TMTC1: variants seen among roughly 807,000 people sequenced by gnomAD.
TMTC1 encodes protein O-mannosyl-transferase TMTC1.
A neutral mutation model predicts 104.8 loss-of-function variants in TMTC1; 73 were observed. The observed-to-expected ratio is 0.70, with a 90% confidence interval of 0.58 to 0.85. The LOEUF (loss-of-function observed/expected upper bound fraction) is 0.85, where lower values mean the gene tolerates loss of function less well. TMTC1 is among the 40% of genes least tolerant of loss of function. The pLI is 0.00. For missense variants in TMTC1, 1,035 were observed against 1,096.1 expected (o/e 0.94, Z 0.79); for synonymous variants, 434 against 428.7 (o/e 1.01, Z -0.15).
At chr12:29,738,112 G>A (rs985536462) in intron 5 of TMTC1, among the ~76,000 whole-genome samples, 11 of 152,134 alleles carry the variant, frequency 7.2e-5, no homozygotes, top group Admixed American at 2.6e-4. Context: ...CTTCACATAT[G>A]TCACATCATT....
intron 5 of TMTC1, among the ~76,000 whole-genome samples, chr12:29,671,444 T>C (rs1410462930): frequency 2.0e-5 from 3 of 152,212 alleles, no homozygotes; most frequent in African/African-American, 7.2e-5. Flanking sequence ...AGTTAAGTCT[T>C]AGAAGCAATA....
intron 6 of TMTC1, among the ~76,000 whole-genome samples, chr12:29,629,347 T>A (rs954339431): frequency 6.6e-6 from 1 of 151,776 alleles, no homozygotes; most frequent in East Asian, 1.9e-4. Context: ...AAGCTACCTA[T>A]GACCTGGAAG....
At chr12:29,597,895 T>A (rs1488844301) in intron 7 of TMTC1, among the ~76,000 whole-genome samples, 1 of 152,166 alleles carries the variant, frequency 6.6e-6, no homozygotes, top group Non-Finnish European at 1.5e-5. Context: ...ACCAGAAATA[T>A]AGGAAAGATA....
At chr12:29,712,084 G>T (rs1051236061) in intron 5 of TMTC1, among the ~76,000 whole-genome samples, 9 of 149,224 alleles carry the variant, frequency 6.0e-5, no homozygotes, top group African/African-American at 2.2e-4. Flanking sequence ...TTCATCAGGG[G>T]ACACTGCTCT....
intron 5 of TMTC1, chr12:29,659,880 C>T: frequency 1.3e-6 from 2 of 1,531,844 alleles, no homozygotes; most frequent in Non-Finnish European, 8.7e-7. Context: ...TTATACTAAC[C>T]TCGTAAGAAT....
intron 5 of TMTC1, among the ~76,000 whole-genome samples, chr12:29,706,570 T>C (rs927425788): frequency 6.6e-6 from 1 of 152,118 alleles, no homozygotes. Flanking sequence ...TTTGCTGAAA[T>C]GTGGGAATGT....
chr12:29,755,012 G>A (rs1027321800), intron 4 of TMTC1, among the ~76,000 whole-genome samples: 1 of 152,174 alleles, frequency 6.6e-6, no homozygotes, highest in South Asian at 2.1e-4. Flanking sequence ...ACTGAAAAAT[G>A]GGGCCTGCTT....
intron 8 of TMTC1, 84 bp from the exon 9 acceptor site, chr12:29,572,302 A>T: frequency 8.4e-7 from 1 of 1,185,398 alleles, no homozygotes; most frequent in Non-Finnish European, 1.2e-6. Flanking sequence ...AGTTTCATGA[A>T]CCTGTATTTG....
chr12:29,579,151 G>T (rs564498186), intron 8 of TMTC1, among the ~76,000 whole-genome samples: 4 of 152,232 alleles, frequency 2.6e-5, no homozygotes, highest in African/African-American at 9.6e-5. Context: ...TCCTGAAGTT[G>T]ATCAACATTT....
chr12:29,644,149 G>GTGTGTA (rs1174156187), intron 5 of TMTC1, among the ~76,000 whole-genome samples: 16 of 49,376 alleles, frequency 3.2e-4, no homozygotes, highest in East Asian at 6.2e-4. Context: ...GTGTGTGTGT[G>GTGTGTA]TATATATATA....
At chr12:29,563,794 T>C (rs1421218492) in intron 9 of TMTC1, among the ~76,000 whole-genome samples, 1 of 152,048 alleles carries the variant, frequency 6.6e-6, no homozygotes, top group Non-Finnish European at 1.5e-5. Context: ...GCACACAGCA[T>C]TAAAGAGAAA....
chr12:29,658,073 A>T (rs1939842396), intron 5 of TMTC1, among the ~76,000 whole-genome samples: 1 of 152,204 alleles, frequency 6.6e-6, no homozygotes. Context: ...ACACTGGGAG[A>T]CAGAGTGAGA....
intron 5 of TMTC1, among the ~76,000 whole-genome samples, chr12:29,669,146 T>G (rs1390856222): frequency 6.6e-6 from 1 of 151,926 alleles, no homozygotes; most frequent in Non-Finnish European, 1.5e-5. Flanking sequence ...CTGAGGAAGA[T>G]GAGAAGTGAA....
intron 5 of TMTC1, among the ~76,000 whole-genome samples, chr12:29,690,491 T>C (rs529660391): frequency 1.3e-5 from 2 of 152,312 alleles, no homozygotes; most frequent in South Asian, 4.1e-4. Flanking sequence ...CTAATGCAAA[T>C]GGAAATTCCA....
intron 7 of TMTC1, among the ~76,000 whole-genome samples, chr12:29,600,361 C>T (rs1565700082): frequency 6.6e-6 from 1 of 152,064 alleles, no homozygotes; most frequent in South Asian, 2.1e-4. Context: ...CCCCCATTTT[C>T]AAAGAAAACT....
intron 5 of TMTC1, among the ~76,000 whole-genome samples, chr12:29,686,901 TCAC>T (rs1027091705): frequency 1.3e-5 from 2 of 152,202 alleles, no homozygotes; most frequent in Non-Finnish European, 2.9e-5. Flanking sequence ...TGATGTATTT[TCAC>T]CACATTTGGA....
Position 29,687,093 on chromosome 12 carries a change from C to T in TMTC1, c.939-53757G>A, listed in dbSNP as rs986594. ...TCACCATTTGGCAACCACAATAATA[C>T]GCAAGAAAATAGTGGATTTTAAAAC... On this transcript the variant is annotated intron_variant, in intron 5 of 17. Transcript: ENST00000539277. 9.2e-5 allele frequency among the ~76,000 whole-genome samples: 14 copies of T among 152,016 alleles called. No individual in the cohort carries two copies. The South Asian group carries it at 1.0e-3, about 11-fold the overall frequency.
chr12:29,610,568 G>A (rs971069250), intron 6 of TMTC1, among the ~76,000 whole-genome samples: 25 of 152,104 alleles, frequency 1.6e-4, no homozygotes, highest in African/African-American at 4.8e-4. Context: ...GGAATCCTGC[G>A]GCAGTCTTAT....
chr12:29,517,856 A>C (rs1944034915), intron 13 of TMTC1, among the ~76,000 whole-genome samples: 1 of 152,132 alleles, frequency 6.6e-6, no homozygotes, highest in Non-Finnish European at 1.5e-5. Flanking sequence ...CAGGGATTAC[A>C]GGTGCCCGCC....
Sources: gnomAD v4.1 joint callset for allele counts (sites outside exome capture counted in the v4.1 genomes callset) on GRCh38, gnomAD v4.1.1 for gene constraint, MANE v1.5 for transcripts, NCBI Gene and HGNC (gene_info 2026-07-23, HGNC 2026-07-21) for gene names.